TLL1: variants seen among roughly 807,000 people sequenced by gnomAD.
The protein encoded by TLL1 is tolloid-like protein 1.
Under a neutral mutation model 128.2 loss-of-function variants are expected in TLL1, and 49 were observed. The observed-to-expected ratio is 0.38, with a 90% CI of 0.30 to 0.48. The LOEUF is 0.48. Among genes scored for constraint, TLL1 ranks in the 20% least tolerant of loss-of-function variants. TLL1 has a pLI of 0.96. For missense variants in TLL1, 1,123 were observed against 1,242.0 expected (o/e 0.90, Z 1.44); for synonymous variants, 454 against 418.8 (o/e 1.08, Z -1.03).
intron 2 of TLL1, among the ~76,000 whole-genome samples, chr4:165,991,511 A>G (rs1451102414): frequency 6.6e-6 from 1 of 152,030 alleles, no homozygotes; most frequent in Non-Finnish European, 1.5e-5. Flanking sequence ...AAAAATTTCA[A>G]AAATGTTTCT....
chr4:166,041,963 C>CA, intron 10 of TLL1, 64 bp from the exon 11 acceptor site: 1 of 1,169,688 alleles, frequency 8.5e-7, no homozygotes, highest in Non-Finnish European at 1.3e-6. Context: ...GTGACTAGTA[C>CA]AAAAAGAACG....
intron 8 of TLL1, among the ~76,000 whole-genome samples, chr4:166,016,717 A>C (rs953704546): frequency 1.3e-5 from 2 of 152,054 alleles, no homozygotes; most frequent in Admixed American, 6.6e-5. Context: ...TGTATTTCTG[A>C]AACAGTATGA....
rs900691720 is a variant in TLL1, at chr4:166,101,097, G to A, written c.*221G>A. 5.6e-6 allele frequency: 3 copies of A among 532,148 alleles called. No homozygotes were observed. In the African/African-American group the frequency reaches 5.8e-5, roughly 10 times the overall value. The allele number at this position is 532,148 out of a possible 1,614,324, so 33.0% of individuals were successfully genotyped here. A position where few individuals can be genotyped will look rare whatever the true frequency, so the allele number is the denominator to read the frequency against. The stretch of plus-strand genomic sequence containing the variant: ...CTCCATGCTTGATGGTATTAATAAA[G>A]CTGGTGAAAGGGCATCATATACTTC... On this transcript the variant is annotated 3_prime_UTR_variant, in exon 21 of 21. Transcript: ENST00000061240.
At chr4:165,951,830 T>A (rs2110941336) in intron 1 of TLL1, among the ~76,000 whole-genome samples, 1 of 152,248 alleles carries the variant, frequency 6.6e-6, no homozygotes, top group South Asian at 2.1e-4. Context: ...TCTATTATAA[T>A]AATTGATCCA....
chr4:166,003,288 C>A, intron 5 of TLL1, 103 bp from the exon 6 acceptor site: 1 of 1,157,774 alleles, frequency 8.6e-7, no homozygotes. Context: ...CTGAATGTGT[C>A]GGACTTTATA....
At chr4:166,065,937 AT>A in intron 16 of TLL1, 74 bp downstream of exon 16, 2 of 1,506,860 alleles carry the variant, frequency 1.3e-6, no homozygotes, top group South Asian at 1.1e-5. Context: ...TATGTGATCT[AT>A]TTTTCATAGT....
chr4:166,060,053 A>G lies in TLL1; in HGVS notation c.1872A>G (p.Lys624=). 1 of 1,613,726 alleles carries G rather than the reference A, an allele frequency of 6.2e-7. No individual in the cohort carries two copies. The highest frequency in any genetic ancestry group is 8.5e-7 in the Non-Finnish European group (1 of 1,179,852). Reference sequence around the variant, plus strand: ...CTGCTTGTGGTGGACTTCTTACCAAACTTAACGGCACCATAACCACCCCTG... The same window carrying G: ...CTGCTTGTGGTGGACTTCTTACCAAGCTTAACGGCACCATAACCACCCCTG... The part of the protein sequence containing the change: ...CEAACGGLLT[K]LNGTITTPGW... Residue 624 remains lysine (K), a synonymous_variant, in exon 15 of 21, where the codon AAA becomes AAG. Transcript: ENST00000061240.
At chr4:166,070,932 T>C (rs1740785212) in intron 16 of TLL1, among the ~76,000 whole-genome samples, 1 of 152,002 alleles carries the variant, frequency 6.6e-6, no homozygotes, top group Non-Finnish European at 1.5e-5. Context: ...TGAATCCTGC[T>C]TCCAAGTTTT....
At position 165,957,795 on chromosome 4, in the gene TLL1, C is replaced by A. The variant is rs1486493178; in HGVS notation, c.170-31586C>A. Among the ~76,000 whole-genome samples, 3 of 150,546 alleles carry A rather than the reference C, an allele frequency of 2.0e-5. No individual in the cohort carries two copies. The South Asian group carries it at 6.3e-4, about 32-fold the overall frequency. ...GTTACATACGTATACATGTGCCATG[C>A]TGGTGTGCCGCACCCATTAATTCGT... On this transcript the variant is annotated intron_variant, in intron 1 of 20. Transcript: ENST00000061240.
intron 18 of TLL1, among the ~76,000 whole-genome samples, chr4:166,080,865 C>T (rs1402965225): frequency 2.0e-5 from 3 of 152,122 alleles, no homozygotes; most frequent in Non-Finnish European, 2.9e-5. Flanking sequence ...CTTCTCTGTT[C>T]ATCCCCAGTG....
chr4:166,030,413 T>C (rs1023672771), intron 9 of TLL1: 14 of 531,918 alleles, frequency 2.6e-5, no homozygotes, highest in Non-Finnish European at 4.5e-5. Flanking sequence ...TAAGCACTGA[T>C]TAGAGATATG....
intron 1 of TLL1, among the ~76,000 whole-genome samples, chr4:165,893,357 GAAAT>G (rs1203596840): frequency 6.6e-6 from 1 of 152,162 alleles, no homozygotes; most frequent in Non-Finnish European, 1.5e-5. Flanking sequence ...AGATGGAAAA[GAAAT>G]AAAGTGAGTC....
intron 1 of TLL1, among the ~76,000 whole-genome samples, chr4:165,940,736 T>C (rs765359063): frequency 6.6e-6 from 1 of 152,090 alleles, no homozygotes; most frequent in African/African-American, 2.4e-5. Flanking sequence ...AAAGATATGA[T>C]GAGGATATGT....
Position 166,100,728 on chromosome 4 carries a change from T to C in TLL1, c.2908-14T>C. 6.2e-7 allele frequency: 1 copy of C among 1,612,656 alleles called. No homozygotes were observed. Among genetic ancestry groups the C allele is most frequent in the Non-Finnish European group, 8.5e-7 (1 of 1,179,052 alleles). On this transcript the variant is annotated splice_polypyrimidine_tract_variant and intron_variant, in intron 20 of 20. Transcript: ENST00000061240. ...TTGCTTGTTTACTTGCTTGTTGTTT[T>C]TGTTTTCCTTCAGCCACCAGAAGAG...
chr4:166,077,135 A>G (rs182872372), intron 17 of TLL1, among the ~76,000 whole-genome samples: 32 of 152,278 alleles, frequency 2.1e-4, no homozygotes, highest in African/African-American at 7.5e-4. Context: ...CCTAAATTAT[A>G]TAGAAAGAGC....
intron 1 of TLL1, among the ~76,000 whole-genome samples, chr4:165,960,650 T>C (rs1223152031): frequency 6.6e-6 from 1 of 152,316 alleles, no homozygotes; most frequent in South Asian, 2.1e-4. Context: ...GATGCAAGGT[T>C]GTTTCGACAT....
intron 1 of TLL1, among the ~76,000 whole-genome samples, chr4:165,951,686 T>C (rs1734525772): frequency 6.6e-6 from 1 of 152,148 alleles, no homozygotes; most frequent in South Asian, 2.1e-4. Flanking sequence ...ACTTCAGGTC[T>C]TGGTGCTACT....
At chr4:165,952,483 T>C (rs1011429453) in intron 1 of TLL1, among the ~76,000 whole-genome samples, 6 of 152,058 alleles carry the variant, frequency 3.9e-5, no homozygotes, top group Admixed American at 2.0e-4. Flanking sequence ...GGGAAGGAAA[T>C]AGTGGGTTTT....
Position 166,100,907 on chromosome 4 carries a change from T to A in TLL1, c.*31T>A. The A allele has an allele frequency of 6.2e-7, 1 of 1,610,870 alleles. No homozygotes were observed. Among genetic ancestry groups the A allele is most frequent in the Non-Finnish European group, 8.5e-7 (1 of 1,178,258 alleles). On this transcript the variant is annotated 3_prime_UTR_variant, in exon 21 of 21. Coordinates refer to ENST00000061240, the MANE Select transcript of TLL1 (RefSeq NM_012464.5). ...AAACCTCTGTCAGAACACAAAGGAA[T>A]GTGCATAATGGAGAGAAGACATATT...
Sources: allele counts gnomAD v4.1 joint callset (sites outside exome capture counted in the v4.1 genomes callset), GRCh38; gene constraint gnomAD v4.1.1; transcripts MANE v1.5; gene names NCBI Gene and HGNC (gene_info 2026-07-23, HGNC 2026-07-21).